The following DNASE1 variants were observed in gnomAD, a reference collection of about 807,000 sequenced individuals.
DNASE1 encodes the protein deoxyribonuclease-1.
In DNASE1, 40 loss-of-function variants were observed where a neutral mutation model predicts 33.9. That is an observed-to-expected ratio of 1.18 (90% CI 0.92 to 1.54). DNASE1 has a LOEUF of 1.54. Among genes scored for constraint, DNASE1 ranks in the 40% most tolerant of loss-of-function variants. DNASE1 has a pLI of 0.00. For missense variants in DNASE1, 518 were observed against 372.6 expected (o/e 1.39, Z -3.21); for synonymous variants, 216 against 160.0 (o/e 1.35, Z -2.64).
At chr16:3,617,126 A>C (rs562286999) in intron 1 of DNASE1, among the ~76,000 whole-genome samples, 3 of 152,074 alleles carry the variant, frequency 2.0e-5, no homozygotes, top group South Asian at 4.2e-4. Context: ...CAGGAGTTTG[A>C]GACCAGCCTG....
chr16:3,663,250 C>G (rs12919993), exon 10 of DNASE1: 2 of 845,272 alleles, frequency 2.4e-6, no homozygotes, highest in Non-Finnish European at 3.6e-6. Context: ...CCCCTGATAT[C>G]TAAACCAGGA....
At chr16:3,654,528 G>C (rs1333408908), upstream of DNASE1, 1 of 398,586 alleles carries the variant, frequency 2.5e-6, no homozygotes, top group Non-Finnish European at 4.4e-6. Flanking sequence ...CCAGACAAGA[G>C]ACAGGGAGAC....
intron 1 of DNASE1, among the ~76,000 whole-genome samples, chr16:3,644,734 CAA>C (rs779237862): frequency 8.7e-5 from 9 of 102,988 alleles, no homozygotes; most frequent in Non-Finnish European, 2.0e-5. Flanking sequence ...GACTCCATCT[CAA>C]AAAAAAAAAA....
At chr16:3,657,880 C>T (rs770146841) in intron 8 of DNASE1, 26 bp from the exon 9 acceptor site, 6 of 1,614,038 alleles carry the variant, frequency 3.7e-6, no homozygotes, top group Non-Finnish European at 4.2e-6. Context: ...AGGCTCAGCC[C>T]AGACCCTGTG....
In DNASE1 at chr16:3,657,719, G is replaced by GGATCGT. The variant is rs776775847; in HGVS notation, c.706_711dup (p.Ile236_Val237dup). 44 of 1,613,882 alleles carry GGATCGT rather than the reference G, an allele frequency of 2.7e-5. No homozygotes were observed. Among genetic ancestry groups the GGATCGT allele is most frequent in the Non-Finnish European group, 3.5e-5 (41 of 1,180,006 alleles). ...TACTTTCTCTTCCCAACACCCATCA[G>GGATCGT]GATCGTGGTTGCAGGGATGCTGCTC... On this transcript the variant is annotated inframe_insertion and splice_region_variant. Transcript: ENST00000246949.
chr16:3,633,761 A>G (rs985006218), intron 1 of DNASE1, among the ~76,000 whole-genome samples: 6 of 152,006 alleles, frequency 3.9e-5, no homozygotes, highest in Non-Finnish European at 1.5e-5. Flanking sequence ...ACTGTCCCTT[A>G]TGATATTGCT....
intron 1 of DNASE1, among the ~76,000 whole-genome samples, chr16:3,623,778 A>G (rs1351420709): frequency 6.6e-6 from 1 of 152,150 alleles, no homozygotes; most frequent in Non-Finnish European, 1.5e-5. Flanking sequence ...TCAAGTGAAG[A>G]CATACAAGCG....
chr16:3,658,622 A>C (rs2042866414), downstream of DNASE1: 6 of 652,020 alleles, frequency 9.2e-6, no homozygotes, highest in Non-Finnish European at 1.6e-5. Context: ...GTAGTGAGCC[A>C]AGATCGCGCC....
At chr16:3,633,837 C>G (rs1321995509) in intron 1 of DNASE1, among the ~76,000 whole-genome samples, 1 of 152,022 alleles carries the variant, frequency 6.6e-6, no homozygotes, top group African/African-American at 2.4e-5. Context: ...AAGACCGAGT[C>G]TCGCTCTGTC....
chr16:3,629,096 C>T (rs555799514), intron 1 of DNASE1, among the ~76,000 whole-genome samples: 1 of 148,060 alleles, frequency 6.8e-6, no homozygotes, highest in African/African-American at 2.5e-5. Context: ...TGCTTAAACC[C>T]TGGAGGCGGA....
Position 3,656,621 on chromosome 16 carries a change from G to A in DNASE1, c.321-17G>A, listed in dbSNP as rs2042655148. 3 of 1,599,596 alleles carry A rather than the reference G, an allele frequency of 1.9e-6. No individual in the cohort carries two copies. The highest frequency in any genetic ancestry group is 1.7e-6 in the Non-Finnish European group (2 of 1,172,594). Reference sequence around the variant, plus strand: ...TTCCAGCCTGGGGTCACCTCCTCCTGCCCGGCCTTCCCGCAGGCCTGACCA... The same window carrying A: ...TTCCAGCCTGGGGTCACCTCCTCCTACCCGGCCTTCCCGCAGGCCTGACCA... On this transcript the variant is annotated splice_polypyrimidine_tract_variant and intron_variant, in intron 4 of 8. Transcript: ENST00000246949.
At chr16:3,612,400 G>T (rs954677179) in intron 1 of DNASE1, among the ~76,000 whole-genome samples, 1 of 152,028 alleles carries the variant, frequency 6.6e-6, no homozygotes, top group African/African-American at 2.4e-5. Flanking sequence ...ACAGGCGCCA[G>T]TCACCACGCC....
chr16:3,630,238 T>G (rs1024421517), intron 1 of DNASE1, among the ~76,000 whole-genome samples: 1 of 151,986 alleles, frequency 6.6e-6, no homozygotes, highest in Non-Finnish European at 1.5e-5. Flanking sequence ...TGGAGTGCAG[T>G]TGCGTGATCA....
rs774890803 is a variant in DNASE1 at position 3,656,166 on chromosome 16, C to A, written c.301C>A (p.Arg101Ser). Residue 101 changes from arginine to serine, a missense_variant, in exon 4 of 9, where the codon CGC (arginine) becomes AGC (serine). Transcript: ENST00000246949. ...ACTGGGACGGAACAGCTATAAGGAGCGCTACCTGTTCGTGTACAGGTGGGT... is the reference window on the plus strand; with the variant it reads ...ACTGGGACGGAACAGCTATAAGGAGAGCTACCTGTTCGTGTACAGGTGGGT... ...EPLGRNSYKE[R>S]YLFVYRPDQV... The A allele has an allele frequency of 3.1e-6, 5 of 1,613,938 alleles. No homozygotes were observed. The highest frequency in any genetic ancestry group is 4.2e-6 in the Non-Finnish European group (5 of 1,180,010).
exon 10 of DNASE1, chr16:3,664,591 A>C: frequency 9.3e-6 from 9 of 963,858 alleles, no homozygotes; most frequent in Non-Finnish European, 1.4e-5. Flanking sequence ...GAGGGACGGT[A>C]GTGGACTCGG....
intron 1 of DNASE1, among the ~76,000 whole-genome samples, chr16:3,632,609 G>C (rs1287262827): frequency 2.0e-5 from 3 of 148,562 alleles, no homozygotes; most frequent in Non-Finnish European, 4.4e-5. Context: ...TTAAAGACGA[G>C]AGTTTCACTC....
In DNASE1 at chr16:3,657,282, G is replaced by C. The variant is rs1426410578; in HGVS notation, c.645G>C (p.Gln215His). 2.5e-6 allele frequency: 4 copies of C among 1,614,030 alleles called. No homozygotes were observed. The Admixed American group carries it at 6.7e-5, about 27-fold the overall frequency. The change falls in exon 7 of 9, where the codon CAG (glutamine) becomes CAC (histidine). Residue 215 changes from glutamine (Q) to histidine (H), a missense_variant. Physicochemically the swap from Gln to His is conservative, Grantham distance 24 (BLOSUM62 0). Coordinates refer to ENST00000246949, the MANE Select transcript of DNASE1 (RefSeq NM_005223.4). ...GCCTGTGGACAAGCCCCACCTTCCAGTGGCTGATCCCCGACAGCGCTGACA... is the reference window on the plus strand; with the variant it reads ...GCCTGTGGACAAGCCCCACCTTCCACTGGCTGATCCCCGACAGCGCTGACA... ...SIRLWTSPTF[Q>H]WLIPDSADTT... is the part of the protein sequence containing the mutation.
At chr16:3,658,905 A>C, downstream of DNASE1, 2 of 1,593,878 alleles carry the variant, frequency 1.3e-6, no homozygotes, top group Non-Finnish European at 1.7e-6. Context: ...GCTCAGTACC[A>C]CGTGCTGTGA....
At chr16:3,619,420 G>A (rs1364427323) in intron 1 of DNASE1, among the ~76,000 whole-genome samples, 6 of 151,574 alleles carry the variant, frequency 4.0e-5, no homozygotes, top group African/African-American at 1.5e-4. Context: ...GAAGTGCAGT[G>A]GTGTGATCTC....
Sources: allele counts gnomAD v4.1 joint callset (sites outside exome capture counted in the v4.1 genomes callset), GRCh38; gene constraint gnomAD v4.1.1; transcripts MANE v1.5; gene names NCBI Gene and HGNC (gene_info 2026-07-23, HGNC 2026-07-21).